Variants in RTTN observed in about 807,000 individuals in gnomAD.
The protein encoded by RTTN is rotatin.
In RTTN, 182 loss-of-function variants were observed where a neutral mutation model predicts 269.2. That is an observed-to-expected ratio of 0.68 (90% CI 0.60 to 0.76). The LOEUF is 0.76. Among genes scored for constraint, RTTN ranks in the 30% least tolerant of loss-of-function variants. The probability of loss-of-function intolerance (pLI) is 0.00; values close to 1 mark genes in which losing one functional copy is unlikely to be tolerated. For synonymous variants in RTTN, 1,006 were observed against 963.5 expected, an observed-to-expected ratio of 1.04 and a Z score of -0.82; for missense variants, 2,545 against 2,608.6, an observed-to-expected ratio of 0.98 and a Z score of 0.53.
intron 10 of RTTN, among the ~76,000 whole-genome samples, chr18:70,182,759 C>A (rs968393331): frequency 1.3e-5 from 2 of 152,108 alleles, no homozygotes; most frequent in Non-Finnish European, 2.9e-5. Flanking sequence ...ATTCTTAAGG[C>A]TACTACTGTA....
Position 70,020,790 on chromosome 18 carries a change from C to G in RTTN, c.5978G>C (p.Cys1993Ser), listed in dbSNP as rs907129481. Residue 1993 changes from cysteine (C) to serine (S), a missense_variant, in exon 45 of 49, where the codon TGT (cysteine) becomes TCT (serine). Transcript: ENST00000640769. The part of the protein sequence containing the change: ...NGCSSLCWSS[C>S]GQHPVQATHR... ...TGTAGCTTGAACAGGGTGTTGTCCA[C>G]AACTTGACCAACAAAGAGAACTGCA... 3.7e-6 allele frequency: 6 copies of G among 1,612,674 alleles called. No homozygotes were observed. In the African/African-American group the frequency reaches 6.7e-5, roughly 18 times the overall value.
chr18:70,094,991 T>C (rs774846439), intron 28 of RTTN, among the ~76,000 whole-genome samples: 4 of 152,122 alleles, frequency 2.6e-5, no homozygotes, highest in Non-Finnish European at 5.9e-5. Context: ...TGCTCCTGTA[T>C]TGGGTGCATA....
chr18:70,140,730 T>C (rs2060235190), intron 19 of RTTN, among the ~76,000 whole-genome samples: 1 of 152,158 alleles, frequency 6.6e-6, no homozygotes, highest in Non-Finnish European at 1.5e-5. Context: ...TTAATAAGCA[T>C]ATATTCACAT....
chr18:70,182,545 A>G (rs17082177), intron 10 of RTTN, among the ~76,000 whole-genome samples: 13,979 of 152,218 alleles, frequency 0.092, 1,406 homozygotes, highest in African/African-American at 0.25. Flanking sequence ...AAGACCAGAC[A>G]TTAGGAATTC....
chr18:70,110,414 C>G (rs1279549618), intron 27 of RTTN, among the ~76,000 whole-genome samples: 3 of 152,068 alleles, frequency 2.0e-5, no homozygotes, highest in African/African-American at 7.2e-5. Context: ...GCACAGAGGG[C>G]AAGCTGAAGC....
intron 48 of RTTN, among the ~76,000 whole-genome samples, chr18:70,004,439 C>T (rs564415673): frequency 9.2e-5 from 14 of 152,014 alleles, no homozygotes; most frequent in Non-Finnish European, 1.5e-4. Flanking sequence ...TTTAAATTAA[C>T]AGCTTACCCA....
rs2057750711 is a variant in RTTN at position 70,054,156 on chromosome 18, G to T, written c.5160C>A (p.Leu1720=). Residue 1720 remains leucine (L), a synonymous_variant, in exon 38 of 49, where the codon CTC becomes CTA. Coordinates refer to ENST00000640769, the MANE Select transcript of RTTN (RefSeq NM_173630.4). ...KPLITNIIGI[L]TICTKDVLDK... is the part of the protein sequence containing the mutation. ...CTAATACATCTTTGGTACATATGGT[G>T]AGAATTCCAATGATATTGGTGATAA... The T allele has an allele frequency of 6.2e-7, 1 of 1,613,088 alleles. No individual in the cohort carries two copies. Among genetic ancestry groups the T allele is most frequent in the Non-Finnish European group, 8.5e-7 (1 of 1,179,272 alleles).
At chr18:70,205,484 G>C in intron 1 of RTTN, 144 bp downstream of exon 1, 4 of 1,316,746 alleles carry the variant, frequency 3.0e-6, no homozygotes, top group Non-Finnish European at 4.3e-6. Flanking sequence ...GTCCGAGATG[G>C]GTCCCCGGGG....
chr18:70,187,546 G>C (rs1421284897), intron 10 of RTTN, among the ~76,000 whole-genome samples: 1 of 152,130 alleles, frequency 6.6e-6, no homozygotes, highest in Non-Finnish European at 1.5e-5. Context: ...TATGCTGAAT[G>C]GGTAACGGTA....
intron 30 of RTTN, among the ~76,000 whole-genome samples, chr18:70,088,503 T>A (rs1377420429): frequency 6.6e-6 from 1 of 152,240 alleles, no homozygotes; most frequent in Non-Finnish European, 1.5e-5. Context: ...TTGTTCTACC[T>A]TTCTTAATTT....
chr18:70,158,668 C>A (rs1391654430), intron 14 of RTTN, among the ~76,000 whole-genome samples: 1 of 152,104 alleles, frequency 6.6e-6, no homozygotes, highest in Non-Finnish European at 1.5e-5. Flanking sequence ...GATAAAGAAC[C>A]AAGACCCAAC....
chr18:70,182,350 C>G (rs1191609779), intron 10 of RTTN, among the ~76,000 whole-genome samples: 2 of 151,898 alleles, frequency 1.3e-5, no homozygotes, highest in Non-Finnish European at 1.5e-5. Context: ...TTTCAGACAG[C>G]CTGTAACAAT....
intron 22 of RTTN, 148 bp from the exon 23 acceptor site, chr18:70,134,689 G>T (rs951566093): frequency 1.7e-6 from 1 of 576,918 alleles, no homozygotes; most frequent in East Asian, 3.1e-5. Flanking sequence ...CAACATGTTT[G>T]CTACTTCCTA....
chr18:70,136,713 T>C (rs1247601563), intron 21 of RTTN, among the ~76,000 whole-genome samples: 1 of 152,092 alleles, frequency 6.6e-6, no homozygotes, highest in African/African-American at 2.4e-5. Context: ...ATAAGCATTT[T>C]TAAACACCTT....
rs748234704 is a variant in RTTN, at chr18:70,150,057, A to G, written c.2086T>C (p.Tyr696His). Residue 696 changes from tyrosine to histidine, a missense_variant, in exon 16 of 49, where the codon TAC becomes CAC. Tyr to His is a moderately conservative substitution (Grantham distance 83). Transcript: ENST00000640769. ...ATCATCAATCGTCCCTGAAGCAGGTATAACAGAATGGCCTTGGCAGCAGTG... is the reference window on the plus strand; with the variant it reads ...ATCATCAATCGTCCCTGAAGCAGGTGTAACAGAATGGCCTTGGCAGCAGTG... Reference protein sequence around the residue: ...VNTAAKAILLYLLQGRLMMTA... With the variant: ...VNTAAKAILLHLLQGRLMMTA... 8 of 1,613,360 alleles carry G rather than the reference A, an allele frequency of 5.0e-6. No homozygotes were observed. The highest frequency in any genetic ancestry group is 2.2e-5 in the East Asian group (1 of 44,864).
intron 33 of RTTN, among the ~76,000 whole-genome samples, chr18:70,074,464 T>C (rs1386154772): frequency 1.3e-5 from 2 of 152,160 alleles, no homozygotes; most frequent in Non-Finnish European, 2.9e-5. Context: ...GAATCACACA[T>C]TCACACTTAA....
rs538994342 is a variant in RTTN at position 70,024,654 on chromosome 18, C to T, written c.5950+68G>A. 8.6e-6 allele frequency: 12 copies of T among 1,399,848 alleles called. No individual in the cohort carries two copies. The African/African-American group carries it at 1.4e-4, about 17-fold the overall frequency. The allele number at this position is 1,399,848 out of a possible 1,614,324, so 86.7% of individuals were successfully genotyped here. ...AAAATATGTATTAGTTTTTCCAGTC[C>T]ACCTTAACAACATTTATAAAACTAG... is the stretch of plus-strand genomic sequence containing the variant. On this transcript the variant is annotated intron_variant, in intron 44 of 48. Coordinates refer to ENST00000640769, the MANE Select transcript of RTTN (RefSeq NM_173630.4).
intron 17 of RTTN, among the ~76,000 whole-genome samples, chr18:70,146,177 C>A (rs1204271759): frequency 1.3e-5 from 2 of 152,102 alleles, no homozygotes; most frequent in East Asian, 3.8e-4. Flanking sequence ...GTTGAACCCA[C>A]AGGAGAGTAA....
intron 28 of RTTN, among the ~76,000 whole-genome samples, chr18:70,094,836 C>A (rs62089121): frequency 2.0e-5 from 3 of 151,630 alleles, no homozygotes; most frequent in Non-Finnish European, 4.4e-5. Context: ...TCTTGAATAT[C>A]CCTTTTTTTT....
Sources: allele counts gnomAD v4.1 joint callset (sites outside exome capture counted in the v4.1 genomes callset), GRCh38; gene constraint gnomAD v4.1.1; transcripts MANE v1.5; gene names NCBI Gene and HGNC (gene_info 2026-07-23, HGNC 2026-07-21).